Variants in MYO1B observed in about 807,000 individuals in gnomAD.
MYO1B encodes unconventional myosin-Ib.
In MYO1B, 72 loss-of-function variants were observed where a neutral mutation model predicts 159.7. That is an observed-to-expected ratio of 0.45 (90% CI 0.37 to 0.55). MYO1B has a LOEUF of 0.55. Ranked by LOEUF, MYO1B falls within the 20% of genes least tolerant of loss-of-function variation. The probability of loss-of-function intolerance (pLI) is 0.00; values close to 1 mark genes in which losing one functional copy is unlikely to be tolerated. For missense variants in MYO1B, 1,062 were observed against 1,364.8 expected, an observed-to-expected ratio of 0.78 and a Z score of 3.50; for synonymous variants, 468 against 473.8, an observed-to-expected ratio of 0.99 and a Z score of 0.16.
intron 1 of MYO1B, among the ~76,000 whole-genome samples, chr2:191,262,473 A>G (rs879877422): frequency 9.2e-5 from 14 of 152,130 alleles, no homozygotes; most frequent in Non-Finnish European, 1.6e-4. Flanking sequence ...GCTCCCTGTC[A>G]TCTGTATGTA....
At position 191,245,430 on chromosome 2, in the gene MYO1B, G is replaced by A. The variant is rs1247257834; in HGVS notation, c.-206G>A. ...AGCACTCCGCAGCTGGGTGCGCACG[G>A]GAGCCTCAACCGCGGCGCGTGGAGG... On this transcript the variant is annotated 5_prime_UTR_variant, in exon 1 of 31. Coordinates refer to ENST00000392318, the MANE Select transcript of MYO1B (RefSeq NM_001130158.3). The A allele has an allele frequency of 2.0e-5, 3 of 152,038 alleles. No individual in the cohort carries two copies. The highest frequency in any genetic ancestry group is 2.9e-5 in the Non-Finnish European group (2 of 68,006). The allele number at this position is 152,038 out of a possible 1,614,324, so 9.4% of individuals were successfully genotyped here.
At chr2:191,362,395 G>A (rs1389226634) in intron 9 of MYO1B, 24 bp downstream of exon 9, 2 of 1,568,148 alleles carry the variant, frequency 1.3e-6, no homozygotes, top group Non-Finnish European at 1.8e-6. Context: ...CTTTCATCAA[G>A]CTTTAAATTG....
At chr2:191,259,842 T>C (rs1048044195) in intron 1 of MYO1B, among the ~76,000 whole-genome samples, 1 of 151,900 alleles carries the variant, frequency 6.6e-6, no homozygotes, top group African/African-American at 2.4e-5. Context: ...GGGCCACAAG[T>C]GAGGGGTTCA....
intron 18 of MYO1B, among the ~76,000 whole-genome samples, chr2:191,391,209 G>C (rs968685568): frequency 2.0e-5 from 3 of 152,232 alleles, no homozygotes; most frequent in Admixed American, 6.5e-5. Context: ...GGCTGAAGAA[G>C]GCTTGCCCCT....
At chr2:191,379,227 A>G (rs1694903201) in intron 13 of MYO1B, 1 of 152,670 alleles carries the variant, frequency 6.6e-6, no homozygotes, top group South Asian at 2.1e-4. Context: ...CTAATTAAGA[A>G]CTGACTGCAT....
chr2:191,261,921 T>G (rs1686835824), intron 1 of MYO1B, among the ~76,000 whole-genome samples: 1 of 152,182 alleles, frequency 6.6e-6, no homozygotes, highest in African/African-American at 2.4e-5. Context: ...TGTTTAGGTA[T>G]GTATCATTTT....
rs80075020 is a variant in MYO1B at position 191,382,736 on chromosome 2, A to G, written c.1291-544A>G. 3.3e-5 allele frequency among the ~76,000 whole-genome samples: 5 copies of G among 152,236 alleles called. No individual in the cohort carries two copies. The East Asian group carries it at 9.6e-4, about 29-fold the overall frequency. On this transcript the variant is annotated intron_variant, in intron 14 of 30. Transcript: ENST00000392318. Reference sequence around the variant, plus strand: ...GTAGCCAGTGTTAGAACCAGTGGATAGATTTTCATGTCTTTCCTTATGTTG... The same window carrying G: ...GTAGCCAGTGTTAGAACCAGTGGATGGATTTTCATGTCTTTCCTTATGTTG...
At chr2:191,360,251 A>T (rs1046315254) in intron 7 of MYO1B, among the ~76,000 whole-genome samples, 1 of 152,180 alleles carries the variant, frequency 6.6e-6, no homozygotes, top group African/African-American at 2.4e-5. Flanking sequence ...GTATTAACTA[A>T]TTTTTATTAA....
chr2:191,380,822 G>A (rs921170615), intron 13 of MYO1B, among the ~76,000 whole-genome samples: 6 of 152,134 alleles, frequency 3.9e-5, no homozygotes, highest in Admixed American at 1.3e-4. Context: ...AATACATATT[G>A]AGAACTTGCT....
chr2:191,375,896 T>G (rs1574546248), intron 13 of MYO1B, among the ~76,000 whole-genome samples: 1 of 151,472 alleles, frequency 6.6e-6, no homozygotes, highest in Admixed American at 6.6e-5. Context: ...GAGACGGAGG[T>G]TGCAGTGAGC....
At chr2:191,306,742 G>A (rs1349713647) in intron 3 of MYO1B, among the ~76,000 whole-genome samples, 2 of 152,120 alleles carry the variant, frequency 1.3e-5, no homozygotes, top group Non-Finnish European at 2.9e-5. Context: ...ATTCCTGGCT[G>A]GGATGGAGAG....
intron 15 of MYO1B, 35 bp from the exon 16 acceptor site, chr2:191,385,849 G>A (rs759911510): frequency 4.4e-6 from 7 of 1,602,132 alleles, no homozygotes; most frequent in East Asian, 4.5e-5. Flanking sequence ...ATATAGTGAG[G>A]AAGGAAGGAA....
chr2:191,341,448 T>G lies in MYO1B; in HGVS notation c.347-13T>G. On this transcript the variant is annotated splice_polypyrimidine_tract_variant and intron_variant, in intron 4 of 30. Transcript: ENST00000392318. ...CTGTGTTATTGATTAATATGGCTTA[T>G]TTTCATCCACAGAGGCCAGTAAGCT... 1 of 1,609,274 alleles carries G rather than the reference T, an allele frequency of 6.2e-7. No homozygotes were observed. The highest frequency in any genetic ancestry group is 8.5e-7 in the Non-Finnish European group (1 of 1,177,570).
At chr2:191,246,633 G>A (rs1305220001) in intron 1 of MYO1B, among the ~76,000 whole-genome samples, 1 of 151,522 alleles carries the variant, frequency 6.6e-6, no homozygotes, top group East Asian at 2.0e-4. Context: ...CTCTGGGTCT[G>A]TGTGTGTAGC....
chr2:191,367,189 A>G (rs1480967193), intron 11 of MYO1B, among the ~76,000 whole-genome samples: 2 of 152,014 alleles, frequency 1.3e-5, no homozygotes, highest in Non-Finnish European at 2.9e-5. Context: ...GTGGTCCTTA[A>G]GTGGGAATAG....
At chr2:191,264,145 C>T (rs540409719) in intron 1 of MYO1B, among the ~76,000 whole-genome samples, 177 of 152,228 alleles carry the variant, frequency 1.2e-3, no homozygotes, top group Non-Finnish European at 2.3e-3. Context: ...TGAAATAACC[C>T]ACTGCAGCAG....
intron 13 of MYO1B, among the ~76,000 whole-genome samples, chr2:191,380,193 A>G (rs1694956220): frequency 6.6e-6 from 1 of 152,244 alleles, no homozygotes; most frequent in African/African-American, 2.4e-5. Flanking sequence ...GAATGTAGTT[A>G]GATGCTGCAG....
intron 3 of MYO1B, among the ~76,000 whole-genome samples, chr2:191,325,014 A>T (rs190319952): frequency 2.1e-3 from 313 of 152,330 alleles, no homozygotes; most frequent in African/African-American, 7.4e-3. Context: ...CAAGGTTTCC[A>T]TGCAAAACAC....
intron 27 of MYO1B, among the ~76,000 whole-genome samples, chr2:191,411,812 A>C (rs1395355050): frequency 1.3e-5 from 2 of 152,200 alleles, no homozygotes; most frequent in Non-Finnish European, 1.5e-5. Flanking sequence ...TTATCCCAAT[A>C]GTCTTACATC....
Sources: allele counts gnomAD v4.1 joint callset (sites outside exome capture counted in the v4.1 genomes callset), GRCh38; gene constraint gnomAD v4.1.1; transcripts MANE v1.5; gene names NCBI Gene and HGNC (gene_info 2026-07-23, HGNC 2026-07-21).